The following PRELID3A variants were observed in gnomAD, a reference collection of about 807,000 sequenced individuals.
The protein encoded by PRELID3A is PRELI domain containing protein 3A.
In PRELID3A, 27 loss-of-function variants were observed where a neutral mutation model predicts 23.0. The observed-to-expected ratio is 1.17, with a 90% CI of 0.87 to 1.62. PRELID3A has a LOEUF of 1.62. Ranked by LOEUF, PRELID3A falls within the 40% of genes most tolerant of loss-of-function variation. The pLI, the probability that PRELID3A is intolerant of heterozygous loss-of-function variation, is 0.00. For synonymous variants in PRELID3A, 87 were observed against 86.4 expected (o/e 1.01, Z -0.04); for missense variants, 231 against 231.4 (o/e 1.00, Z 0.01).
At chr18:12,414,170 A>AGG (rs1209678493) in intron 1 of PRELID3A, among the ~76,000 whole-genome samples, 3 of 151,872 alleles carry the variant, frequency 2.0e-5, no homozygotes, top group Non-Finnish European at 4.4e-5. Flanking sequence ...GCAGCAGCAG[A>AGG]GGGGCTTCTG....
At chr18:12,420,900 G>A (rs2030157306) in intron 2 of PRELID3A, among the ~76,000 whole-genome samples, 1 of 151,960 alleles carries the variant, frequency 6.6e-6, no homozygotes, top group Non-Finnish European at 1.5e-5. Flanking sequence ...AAGGGCCCGG[G>A]CCTGCTGGAT....
chr18:12,421,334 C>T, intron 2 of PRELID3A: 2 of 576,034 alleles, frequency 3.5e-6, no homozygotes, highest in South Asian at 4.4e-5. Flanking sequence ...GCACGCTCCA[C>T]TCTGTTGGAA....
In PRELID3A at chr18:12,429,333, A is replaced by G; in HGVS notation, c.466-17A>G. ...GCGGGACGACCCACTCAGTGCTGAA[A>G]TCTTTCTGTGTTGCAGGGGTGGGCT... is the stretch of plus-strand genomic sequence containing the variant. On this transcript the variant is annotated splice_polypyrimidine_tract_variant and intron_variant, in intron 5 of 6. Coordinates refer to ENST00000440960, the MANE Select transcript of PRELID3A (RefSeq NM_001142405.2). 6.2e-7 allele frequency: 1 copy of G among 1,613,284 alleles called. No homozygotes were observed. Among genetic ancestry groups the G allele is most frequent in the African/African-American group, 1.3e-5 (1 of 74,994 alleles).
intron 1 of PRELID3A, among the ~76,000 whole-genome samples, chr18:12,416,113 G>T (rs561334321): frequency 6.6e-6 from 1 of 152,336 alleles, no homozygotes; most frequent in African/African-American, 2.4e-5. Flanking sequence ...ATTTCGGCAG[G>T]GGCGGGGTGT....
At chr18:12,420,524 G>A (rs1254879251) in intron 2 of PRELID3A, 31 bp downstream of exon 2, 4 of 1,482,576 alleles carry the variant, frequency 2.7e-6, no homozygotes, top group Non-Finnish European at 3.6e-6. Context: ...GGCTCCGAAC[G>A]CGCCCGACTC....
At chr18:12,423,411 G>C (rs1330077198) in intron 3 of PRELID3A, among the ~76,000 whole-genome samples, 1 of 152,192 alleles carries the variant, frequency 6.6e-6, no homozygotes, top group Admixed American at 6.5e-5. Flanking sequence ...CAGTAGTCCG[G>C]GCAGGTAATT....
chr18:12,414,486 G>A (rs2029885244), intron 1 of PRELID3A, among the ~76,000 whole-genome samples: 1 of 152,224 alleles, frequency 6.6e-6, no homozygotes, highest in Non-Finnish European at 1.5e-5. Flanking sequence ...AGCACTTTGG[G>A]AGGCCGAGGT....
At position 12,431,394 on chromosome 18, in the gene PRELID3A, C is replaced by T. The variant is rs1277215800; in HGVS notation, c.*278C>T. The T allele has an allele frequency of 2.2e-5, 1 of 45,754 alleles. No homozygotes were observed. The highest frequency in any genetic ancestry group is 1.2e-4 in the African/African-American group (1 of 8,356). The allele number at this position is 45,754 out of a possible 1,614,324, so 2.8% of individuals were successfully genotyped here. On this transcript the variant is annotated 3_prime_UTR_variant, in exon 7 of 7. Transcript: ENST00000440960. ...GAGGGCTCGAGGCCCTCGCCCGTGTCCCTTAGGGGCGGCGCCCATCGTCCT... is the reference window on the plus strand; with the variant it reads ...GAGGGCTCGAGGCCCTCGCCCGTGTTCCTTAGGGGCGGCGCCCATCGTCCT...
At chr18:12,410,313 C>T (rs1909867011) in intron 1 of PRELID3A, among the ~76,000 whole-genome samples, 2 of 152,268 alleles carry the variant, frequency 1.3e-5, no homozygotes, top group South Asian at 2.1e-4. Context: ...AAAGGAATCC[C>T]GGTCATCCCT....
In PRELID3A at chr18:12,420,394, G is replaced by A; in HGVS notation, c.102G>A (p.Leu34=). ...CGAACCCGATGAACCCGAGCGTGCT[G>A]GGCGTGGATGTGCTACAGCGCCGCG... ...KYPNPMNPSV[L]GVDVLQRRVD... Residue 34 remains leucine, a synonymous_variant, in exon 2 of 7, where the codon CTG becomes CTA. Transcript: ENST00000440960. The A allele has an allele frequency of 6.2e-7, 1 of 1,609,752 alleles. No individual in the cohort carries two copies. The highest frequency in any genetic ancestry group is 8.5e-7 in the Non-Finnish European group (1 of 1,178,596).
chr18:12,427,313 A>G lies in PRELID3A; in HGVS notation c.455A>G (p.Asn152Ser). ...TTAATGGCCAATACGATATCATCCA[A>G]TGCAAAGAAGGTATGTATCTCAATC... ...ESLMANTISS[N>S]AKKGWAAIEW... The change falls in exon 5 of 7, where the codon AAT becomes AGT. Residue 152 changes from asparagine (N) to serine (S), a missense_variant. Physicochemically the swap from Asn to Ser is conservative, Grantham distance 46 (BLOSUM62 1). Coordinates refer to ENST00000440960, the MANE Select transcript of PRELID3A (RefSeq NM_001142405.2). 6.8e-6 allele frequency: 11 copies of G among 1,608,784 alleles called. No homozygotes were observed. Among genetic ancestry groups the G allele is most frequent in the Non-Finnish European group, 9.4e-6 (11 of 1,175,156 alleles).
intron 6 of PRELID3A, among the ~76,000 whole-genome samples, chr18:12,430,070 G>C (rs2030517559): frequency 6.6e-6 from 1 of 152,258 alleles, no homozygotes. Context: ...GCTCTGGGCT[G>C]CTCGTCCCCA....
At chr18:12,421,202 C>T in intron 2 of PRELID3A, 1 of 258,992 alleles carries the variant, frequency 3.9e-6, no homozygotes, top group Non-Finnish European at 7.3e-6. Context: ...CCTGACACCC[C>T]CACCCCAGCA....
At chr18:12,412,859 A>G (rs143386546) in intron 1 of PRELID3A, among the ~76,000 whole-genome samples, 1 of 152,394 alleles carries the variant, frequency 6.6e-6, no homozygotes, top group African/African-American at 2.4e-5. Context: ...TAAACCTGTT[A>G]TAATGTTTCT....
At chr18:12,425,994 T>C (rs538874336) in intron 3 of PRELID3A, among the ~76,000 whole-genome samples, 3 of 151,824 alleles carry the variant, frequency 2.0e-5, no homozygotes, top group Non-Finnish European at 2.9e-5. Context: ...CCCAACACTT[T>C]GGGAGGGTAA....
In PRELID3A at chr18:12,408,023, G is replaced by C; in HGVS notation, c.32+16G>C. 1.6e-6 allele frequency: 2 copies of C among 1,263,790 alleles called. No homozygotes were observed. The highest frequency in any genetic ancestry group is 3.1e-5 in the East Asian group (1 of 31,804). 78.3% of individuals were successfully genotyped at this position (1,263,790 alleles called of 1,614,324 possible). On this transcript the variant is annotated intron_variant, in intron 1 of 6. Transcript: ENST00000440960. ...ACGTGTTTGGGTGAGGCCGGGCTGA[G>C]GGCCGCGGTGGGGCCGTCCAGACGC...
chr18:12,418,343 C>T (rs113515035), intron 1 of PRELID3A, among the ~76,000 whole-genome samples: 57 of 152,296 alleles, frequency 3.7e-4, no homozygotes, highest in African/African-American at 1.1e-3. Flanking sequence ...ACCTAGTGTA[C>T]AGCTGTTTAT....
intron 1 of PRELID3A, among the ~76,000 whole-genome samples, chr18:12,419,281 G>A (rs2030061127): frequency 6.8e-6 from 1 of 146,256 alleles, no homozygotes; most frequent in Non-Finnish European, 1.5e-5. Flanking sequence ...AGCCGAGACA[G>A]AGCCATTGCA....
rs558718822 is a variant in PRELID3A, at chr18:12,421,550, C to A, written c.212C>A (p.Thr71Asn). The A allele has an allele frequency of 5.0e-6, 8 of 1,612,148 alleles. No homozygotes were observed. The African/African-American group carries it at 8.0e-5, about 16-fold the overall frequency. The change falls in exon 3 of 7, where the codon ACC (threonine) becomes AAC (asparagine). Residue 71 changes from threonine to asparagine, a missense_variant. Transcript: ENST00000440960. ...TGCTTTGTTTTCTAGATTTTGGGAA[C>A]CAGTAGGACATTGACATACATCCGA... Reference protein sequence around the residue: ...LPSLVRAILGTSRTLTYIREH... With the variant: ...LPSLVRAILGNSRTLTYIREH...
Sources: allele counts gnomAD v4.1 joint callset (sites outside exome capture counted in the v4.1 genomes callset), GRCh38; gene constraint gnomAD v4.1.1; transcripts MANE v1.5; gene names NCBI Gene and HGNC (gene_info 2026-07-23, HGNC 2026-07-21).